The following ARHGAP6 variants were observed in gnomAD, a reference collection of about 807,000 sequenced individuals.
ARHGAP6 encodes the protein Rho GTPase activating protein 6, also known as rho GTPase-activating protein 6.
In ARHGAP6, 16 loss-of-function variants were observed where a neutral mutation model predicts 55.7. The ratio of observed to expected loss-of-function variants is 0.29; its 90% CI spans 0.19 to 0.44. ARHGAP6 has a LOEUF of 0.44. Among genes scored for constraint, ARHGAP6 ranks in the 20% least tolerant of loss-of-function variants. The pLI, the probability that ARHGAP6 is intolerant of heterozygous loss-of-function variation, is 1.00. For synonymous variants in ARHGAP6, 382 were observed against 360.9 expected (o/e 1.06, Z -0.66); for missense variants, 698 against 808.9 (o/e 0.86, Z 1.66).
intron 5 of ARHGAP6, among the ~76,000 whole-genome samples, chrX:11,185,406 T>A (rs1273103032): frequency 2.7e-5 from 3 of 112,051 alleles, no homozygotes; most frequent in Non-Finnish European, 5.6e-5. Context: ...AAAATAAAGT[T>A]CCATTTTTAT....
At chrX:11,381,223 T>C (rs1184488777) in intron 1 of ARHGAP6, among the ~76,000 whole-genome samples, 2 of 112,613 alleles carry the variant, frequency 1.8e-5, no homozygotes, top group Non-Finnish European at 3.8e-5. Flanking sequence ...GAAGGGTAAG[T>C]TTCCGTCTAC....
chrX:11,484,170 G>T (rs2050487157), intron 1 of ARHGAP6, among the ~76,000 whole-genome samples: 2 of 111,453 alleles, frequency 1.8e-5, no homozygotes. Flanking sequence ...CTAAAAGTCA[G>T]TGTGCCCGAG....
At chrX:11,471,745 G>C (rs887329932) in intron 1 of ARHGAP6, among the ~76,000 whole-genome samples, 1 of 111,537 alleles carries the variant, frequency 9.0e-6, no homozygotes, top group Non-Finnish European at 1.9e-5. Context: ...GGGGATGCAG[G>C]GAATCATCCT....
rs184883366 is a variant in ARHGAP6 at position 11,427,763 on chromosome X, T to A, written c.589-173056A>T. On this transcript the variant is annotated intron_variant, in intron 1 of 12. Transcript: ENST00000337414. ...CCCTGGCACAGCGTCCCGCTGCCGC[T>A]GCGGAGCCGGTGGGGACCTGGAGAA... is the stretch of plus-strand genomic sequence containing the variant. 9.4e-3 allele frequency: 7,113 copies of A among 753,975 alleles called. 28 individuals are homozygous for A. The highest frequency in any genetic ancestry group is 0.011 in the Middle Eastern group (15 of 1,336). 62.1% of individuals were successfully genotyped at this position (753,975 alleles called of 1,213,427 possible). A position where few individuals can be genotyped will look rare whatever the true frequency, so the allele number is the denominator to read the frequency against.
chrX:11,443,161 T>C (rs1311579679), intron 1 of ARHGAP6, among the ~76,000 whole-genome samples: 1 of 112,370 alleles, frequency 8.9e-6, no homozygotes, highest in African/African-American at 3.2e-5. Flanking sequence ...TTCTGAACTT[T>C]AAGGCCACAG....
intron 1 of ARHGAP6, among the ~76,000 whole-genome samples, chrX:11,357,471 G>A (rs1255037278): frequency 9.0e-6 from 1 of 111,350 alleles, no homozygotes; most frequent in African/African-American, 3.3e-5. Context: ...ATGAGGGATG[G>A]GGTTAGGGAA....
chrX:11,225,729 TG>T (rs1226071920), intron 2 of ARHGAP6: 2 of 652,490 alleles, frequency 3.1e-6, no homozygotes, highest in Non-Finnish European at 4.6e-6. Context: ...TGAAAGAGAT[TG>T]AGCCGCCACA....
chrX:11,619,063 A>T (rs2052199898), intron 1 of ARHGAP6, among the ~76,000 whole-genome samples: 1 of 112,359 alleles, frequency 8.9e-6, no homozygotes, highest in South Asian at 3.7e-4. Context: ...AGGAGGGATT[A>T]ATAATACACT....
At chrX:11,369,553 C>G (rs1251249709) in intron 1 of ARHGAP6, among the ~76,000 whole-genome samples, 1 of 111,739 alleles carries the variant, frequency 8.9e-6, no homozygotes, top group African/African-American at 3.3e-5. Context: ...TGTGACCTTA[C>G]ACAATGTATT....
At chrX:11,320,476 T>C (rs2048417996) in intron 1 of ARHGAP6, among the ~76,000 whole-genome samples, 1 of 111,274 alleles carries the variant, frequency 9.0e-6, no homozygotes. Flanking sequence ...ACAAAGGTTA[T>C]ATCTCCAGAA....
intron 10 of ARHGAP6, among the ~76,000 whole-genome samples, chrX:11,156,183 T>C (rs5934966): frequency 0.21 from 23,144 of 111,635 alleles, 1,780 homozygotes; most frequent in Middle Eastern, 0.32. Flanking sequence ...AGGGCCCCTA[T>C]GCACGCTTAT....
At chrX:11,507,492 A>G (rs184350541) in intron 1 of ARHGAP6, among the ~76,000 whole-genome samples, 175 of 112,169 alleles carry the variant, frequency 1.6e-3, no homozygotes, top group Non-Finnish European at 2.9e-3. Flanking sequence ...TATCTTCTTA[A>G]AAAAACAGCA....
At chrX:11,222,921 A>C in intron 2 of ARHGAP6, among the ~76,000 whole-genome samples, 1 of 111,958 alleles carries the variant, frequency 8.9e-6, no homozygotes, top group Non-Finnish European at 1.9e-5. Flanking sequence ...TTTTTTCATC[A>C]TCTGTCAATT....
chrX:11,143,199 A>T (rs1264183867), intron 11 of ARHGAP6: 1 of 112,208 alleles, frequency 8.9e-6, no homozygotes, highest in Non-Finnish European at 1.9e-5. Flanking sequence ...CGTGTTCAGC[A>T]GTTCACATGC....
chrX:11,244,861 C>T (rs2047332225), intron 2 of ARHGAP6, among the ~76,000 whole-genome samples: 1 of 111,805 alleles, frequency 8.9e-6, no homozygotes, highest in Non-Finnish European at 1.9e-5. Flanking sequence ...GAGACAAGAC[C>T]TTGGATAGAA....
chrX:11,240,605 G>A (rs1296639642), intron 2 of ARHGAP6, among the ~76,000 whole-genome samples: 1 of 111,523 alleles, frequency 9.0e-6, no homozygotes, highest in Admixed American at 9.5e-5. Flanking sequence ...TCCATACACT[G>A]ATCTATCCAT....
chrX:11,396,826 T>C (rs1352386805), intron 1 of ARHGAP6, among the ~76,000 whole-genome samples: 1 of 111,834 alleles, frequency 8.9e-6, no homozygotes, highest in Non-Finnish European at 1.9e-5. Flanking sequence ...CTAGTGTCTT[T>C]TTTGCCTTTA....
At chrX:11,498,542 C>T (rs2050645867) in intron 1 of ARHGAP6, among the ~76,000 whole-genome samples, 1 of 111,534 alleles carries the variant, frequency 9.0e-6, no homozygotes, top group Non-Finnish European at 1.9e-5. Context: ...AAAGGGCCCA[C>T]TATGTGCTCA....
chrX:11,601,931 CA>C (rs750196439), intron 1 of ARHGAP6, among the ~76,000 whole-genome samples: 2 of 111,154 alleles, frequency 1.8e-5, no homozygotes, highest in East Asian at 2.8e-4. Flanking sequence ...CGAGTAAGTA[CA>C]AAAAAAGTAA....
Sources: allele counts gnomAD v4.1 joint callset (sites outside exome capture counted in the v4.1 genomes callset), GRCh38; gene constraint gnomAD v4.1.1; transcripts MANE v1.5; gene names NCBI Gene and HGNC (gene_info 2026-07-23, HGNC 2026-07-21).